ARB2A: variants seen among roughly 807,000 people sequenced by gnomAD.
The protein encoded by ARB2A is ARB2 cotranscriptional regulator A.
the ARB2A span, among the ~76,000 whole-genome samples, chr5:93,806,796 C>G: frequency 2.6e-5 from 4 of 151,878 alleles, no homozygotes; most frequent in African/African-American, 9.7e-5. Flanking sequence ...AGTGATACCA[C>G]TGAGTGAAAT....
the ARB2A span, among the ~76,000 whole-genome samples, chr5:93,990,620 TAAAAAAAAAAAAAA>T: frequency 1.3e-5 from 1 of 75,250 alleles, no homozygotes; most frequent in African/African-American, 5.9e-5. Flanking sequence ...CTACCATGAG[TAAAAAAAAAAAAAA>T]AAAAAAAAAA....
At chr5:93,979,740 T>C in the ARB2A span, among the ~76,000 whole-genome samples, 1 of 152,100 alleles carries the variant, frequency 6.6e-6, no homozygotes, top group Non-Finnish European at 1.5e-5. Context: ...CCGTACCTTT[T>C]ATTTACCTTG....
chr5:93,626,113 T>C, the ARB2A span, among the ~76,000 whole-genome samples: 1 of 152,244 alleles, frequency 6.6e-6, no homozygotes, highest in Admixed American at 6.5e-5. Flanking sequence ...TTTGAAGCTA[T>C]ATGTCATTTT....
the ARB2A span, among the ~76,000 whole-genome samples, chr5:93,788,226 A>T: frequency 6.6e-6 from 1 of 152,180 alleles, no homozygotes; most frequent in Non-Finnish European, 1.5e-5. Flanking sequence ...CCTGTTTATC[A>T]TTATTTTTTC....
At chr5:93,783,414 GCTA>G in the ARB2A span, among the ~76,000 whole-genome samples, 1 of 152,094 alleles carries the variant, frequency 6.6e-6, no homozygotes. Context: ...ATAATATAAT[GCTA>G]CTATGAAATT....
At chr5:94,078,075 A>G in the ARB2A span, among the ~76,000 whole-genome samples, 1 of 152,232 alleles carries the variant, frequency 6.6e-6, no homozygotes, top group Non-Finnish European at 1.5e-5. Flanking sequence ...AAATGTACAG[A>G]AAGATACACA....
chr5:93,967,662 AT>A, the ARB2A span, among the ~76,000 whole-genome samples: 1 of 152,126 alleles, frequency 6.6e-6, no homozygotes, highest in Non-Finnish European at 1.5e-5. Context: ...GGTTCTCACT[AT>A]GAAGACTACA....
At chr5:93,764,309 A>G in the ARB2A span, among the ~76,000 whole-genome samples, 5 of 152,198 alleles carry the variant, frequency 3.3e-5, no homozygotes, top group African/African-American at 1.2e-4. Flanking sequence ...TAGCAAGACT[A>G]ACAAAGAAGG....
chr5:93,755,283 T>C, the ARB2A span, among the ~76,000 whole-genome samples: 1 of 152,228 alleles, frequency 6.6e-6, no homozygotes, highest in Non-Finnish European at 1.5e-5. Flanking sequence ...ATTAACTGAT[T>C]ACACCATTCT....
chr5:93,819,107 A>G, the ARB2A span, among the ~76,000 whole-genome samples: 1 of 139,580 alleles, frequency 7.2e-6, no homozygotes. Context: ...AATGGCGTGA[A>G]CCCGGGAGGC....
the ARB2A span, among the ~76,000 whole-genome samples, chr5:93,916,167 T>C: frequency 6.6e-6 from 1 of 152,108 alleles, no homozygotes; most frequent in Non-Finnish European, 1.5e-5. Context: ...TAAATGTTAT[T>C]ATATAAACAC....
chr5:94,050,373 G>A, the ARB2A span, among the ~76,000 whole-genome samples: 1 of 150,498 alleles, frequency 6.6e-6, no homozygotes, highest in South Asian at 2.1e-4. Context: ...TCCTGCCTCA[G>A]CCTTCCAAGT....
At chr5:93,661,515 C>G in the ARB2A span, among the ~76,000 whole-genome samples, 1 of 152,050 alleles carries the variant, frequency 6.6e-6, no homozygotes, top group Non-Finnish European at 1.5e-5. Context: ...GGAAGGGACA[C>G]AAAACTAAGT....
At chr5:94,082,749 A>G in the ARB2A span, among the ~76,000 whole-genome samples, 1 of 152,066 alleles carries the variant, frequency 6.6e-6, no homozygotes, top group East Asian at 1.9e-4. Flanking sequence ...AAGTGATAAT[A>G]CTTTATAGCA....
At chr5:93,907,090 T>C in the ARB2A span, among the ~76,000 whole-genome samples, 1 of 151,388 alleles carries the variant, frequency 6.6e-6, no homozygotes, top group Admixed American at 6.6e-5. Flanking sequence ...CTACTGTGTA[T>C]GGTAAAGGCA....
At chr5:93,681,603 C>G in the ARB2A span, among the ~76,000 whole-genome samples, 1 of 152,170 alleles carries the variant, frequency 6.6e-6, no homozygotes, top group African/African-American at 2.4e-5. Flanking sequence ...TATGCAAACT[C>G]TAAGCTACCT....
At chr5:93,885,605 AT>A in the ARB2A span, among the ~76,000 whole-genome samples, 2 of 151,662 alleles carry the variant, frequency 1.3e-5, no homozygotes, top group Admixed American at 1.3e-4. Flanking sequence ...TAATTAACTC[AT>A]GTTTGATCAC....
chr5:93,646,335 G>A, the ARB2A span, among the ~76,000 whole-genome samples: 1 of 150,720 alleles, frequency 6.6e-6, no homozygotes, highest in South Asian at 2.1e-4. Flanking sequence ...TTTTTTCTGA[G>A]GTCTTCGGTG....
chr5:94,049,259 A>G, the ARB2A span, among the ~76,000 whole-genome samples: 2 of 152,218 alleles, frequency 1.3e-5, no homozygotes, highest in Non-Finnish European at 2.9e-5. Flanking sequence ...TGAAGTACCT[A>G]ATGTTCACAA....
Sources: gnomAD v4.1 joint callset for allele counts (sites outside exome capture counted in the v4.1 genomes callset) on GRCh38, gnomAD v4.1.1 for gene constraint, MANE v1.5 for transcripts, NCBI Gene and HGNC (gene_info 2026-07-23, HGNC 2026-07-21) for gene names.